The following SHISA9 variants were observed in gnomAD, a reference collection of about 807,000 sequenced individuals.
The protein encoded by SHISA9 is protein shisa-9.
SHISA9 carries 13 observed loss-of-function variants against 38.0 expected under a neutral mutation model. The observed-to-expected ratio is 0.34, with a 90% CI of 0.22 to 0.54. The LOEUF is 0.54. SHISA9 is among the 20% of genes least tolerant of loss of function. The pLI is 0.91. For synonymous variants in SHISA9, 275 were observed against 242.0 expected, an observed-to-expected ratio of 1.14 and a Z score of -1.27; for missense variants, 538 against 575.8, an observed-to-expected ratio of 0.93 and a Z score of 0.67.
the SHISA9 span, among the ~76,000 whole-genome samples, chr16:13,292,679 CA>C: frequency 6.6e-6 from 1 of 151,832 alleles, no homozygotes; most frequent in African/African-American, 2.4e-5. Flanking sequence ...GGAAGTAATA[CA>C]AAAAAGAAGT....
At chr16:13,039,591 A>G (rs1403658641) in intron 2 of SHISA9, among the ~76,000 whole-genome samples, 1 of 151,342 alleles carries the variant, frequency 6.6e-6, no homozygotes, top group Non-Finnish European at 1.5e-5. Flanking sequence ...AGCCCTTATT[A>G]CATTACCCTC....
At chr16:12,918,384 G>C (rs188673601) in intron 2 of SHISA9, among the ~76,000 whole-genome samples, 44 of 152,300 alleles carry the variant, frequency 2.9e-4, no homozygotes, top group African/African-American at 1.1e-3. Flanking sequence ...AGGGTGTCAA[G>C]TCCTTGGCTG....
chr16:13,252,644 C>T, the SHISA9 span, among the ~76,000 whole-genome samples: 3 of 152,120 alleles, frequency 2.0e-5, no homozygotes, highest in Admixed American at 6.5e-5. Context: ...CTGTCTTAAC[C>T]TTCTCTATTA....
intron 2 of SHISA9, among the ~76,000 whole-genome samples, chr16:13,158,807 A>G (rs2050569785): frequency 6.6e-6 from 1 of 151,846 alleles, no homozygotes; most frequent in African/African-American, 2.4e-5. Flanking sequence ...CTATAATCCC[A>G]GCACTTTGGG....
chr16:13,361,655 G>A, the SHISA9 span, among the ~76,000 whole-genome samples: 1 of 152,184 alleles, frequency 6.6e-6, no homozygotes, highest in Non-Finnish European at 1.5e-5. Flanking sequence ...TAATTACAGA[G>A]CTCATGTTCT....
Position 12,901,784 on chromosome 16 carries a change from T to A in SHISA9, c.-281T>A, listed in dbSNP as rs2071017147. Reference sequence around the variant, plus strand: ...GGCCGGCCGGACCTGCACCCCGCGCTTGACCCCGCTCATCCTCCCCCCGCC... The same window carrying A: ...GGCCGGCCGGACCTGCACCCCGCGCATGACCCCGCTCATCCTCCCCCCGCC... On this transcript the variant is annotated 5_prime_UTR_variant, in exon 1 of 5. It adds an upstream start codon to the 5' untranslated region. Coordinates refer to ENST00000558583, the MANE Select transcript of SHISA9 (RefSeq NM_001145204.3). 1 of 145,164 alleles carries A rather than the reference T, an allele frequency of 6.9e-6. No homozygotes were observed. The highest frequency in any genetic ancestry group is 2.2e-4 in the South Asian group (1 of 4,646). The allele number at this position is 145,164 out of a possible 1,614,324, so 9.0% of individuals were successfully genotyped here.
chr16:13,095,964 A>G (rs2073821896), intron 2 of SHISA9, among the ~76,000 whole-genome samples: 3 of 152,146 alleles, frequency 2.0e-5, no homozygotes, highest in Admixed American at 1.3e-4. Flanking sequence ...TTCCCAGGTG[A>G]TGCTGTTGCT....
chr16:12,991,899 T>C (rs1596569215), intron 2 of SHISA9, among the ~76,000 whole-genome samples: 1 of 152,162 alleles, frequency 6.6e-6, no homozygotes, highest in African/African-American at 2.4e-5. Context: ...CCTTAGCTTA[T>C]CCATCCGATG....
chr16:13,230,842 G>A (rs1050709143), intron 4 of SHISA9, among the ~76,000 whole-genome samples: 10 of 152,026 alleles, frequency 6.6e-5, no homozygotes, highest in East Asian at 3.9e-4. Flanking sequence ...CGCCTTTTTC[G>A]ACCATATAGG....
chr16:13,184,273 A>C (rs1320760501), intron 2 of SHISA9, among the ~76,000 whole-genome samples: 1 of 152,020 alleles, frequency 6.6e-6, no homozygotes, highest in Middle Eastern at 3.2e-3. Context: ...TCCAGACTCT[A>C]TCACCGCTGG....
chr16:13,429,917 T>C, the SHISA9 span, among the ~76,000 whole-genome samples: 1 of 152,230 alleles, frequency 6.6e-6, no homozygotes, highest in African/African-American at 2.4e-5. Context: ...TAACCCTTAG[T>C]ATCTCAGAAT....
At chr16:12,957,048 T>A (rs1334375672) in intron 2 of SHISA9, among the ~76,000 whole-genome samples, 1 of 152,116 alleles carries the variant, frequency 6.6e-6, no homozygotes, top group Non-Finnish European at 1.5e-5. Context: ...AACACAGGTA[T>A]CATTTTGGAG....
chr16:13,180,795 A>G (rs1255530137), intron 2 of SHISA9, among the ~76,000 whole-genome samples: 3 of 152,176 alleles, frequency 2.0e-5, no homozygotes, highest in South Asian at 4.1e-4. Context: ...TATCAACACT[A>G]CACAGAGTGC....
At chr16:13,349,754 A>G in the SHISA9 span, among the ~76,000 whole-genome samples, 1 of 152,240 alleles carries the variant, frequency 6.6e-6, no homozygotes, top group African/African-American at 2.4e-5. Context: ...GCATCTTAGA[A>G]TCATGAAGGT....
chr16:13,139,387 T>A (rs1035528530), intron 2 of SHISA9, among the ~76,000 whole-genome samples: 23 of 81,684 alleles, frequency 2.8e-4, no homozygotes, highest in Admixed American at 1.8e-4. Context: ...CGTCCCTCCC[T>A]TCCTTCTTTC....
chr16:12,974,046 A>C (rs962220903), intron 2 of SHISA9, among the ~76,000 whole-genome samples: 1 of 152,188 alleles, frequency 6.6e-6, no homozygotes, highest in African/African-American at 2.4e-5. Flanking sequence ...GGTCTCCAGC[A>C]CTGCCTGCCA....
chr16:13,152,933 C>T (rs568391349), intron 2 of SHISA9, among the ~76,000 whole-genome samples: 1 of 152,274 alleles, frequency 6.6e-6, no homozygotes, highest in African/African-American at 2.4e-5. Context: ...CCAGGGTATG[C>T]CACTATAATC....
the SHISA9 span, among the ~76,000 whole-genome samples, chr16:13,282,543 A>G: frequency 6.6e-6 from 1 of 152,046 alleles, no homozygotes; most frequent in African/African-American, 2.4e-5. Flanking sequence ...CTTTTGTGAA[A>G]TGTTTAGCTA....
chr16:13,012,792 C>T (rs2072694192), intron 2 of SHISA9, among the ~76,000 whole-genome samples: 1 of 152,184 alleles, frequency 6.6e-6, no homozygotes. Context: ...TGCCTTGCCA[C>T]AGCCCCTCCT....
Sources: allele counts gnomAD v4.1 joint callset (sites outside exome capture counted in the v4.1 genomes callset), GRCh38; gene constraint gnomAD v4.1.1; transcripts MANE v1.5; gene names NCBI Gene and HGNC (gene_info 2026-07-23, HGNC 2026-07-21).